BBS9: variants seen among roughly 807,000 people sequenced by gnomAD.
BBS9 encodes protein PTHB1.
A neutral mutation model predicts 117.7 loss-of-function variants in BBS9; 89 were observed. That is an observed-to-expected ratio of 0.76 (90% CI 0.64 to 0.90). The LOEUF is 0.90. Among genes scored for constraint, BBS9 ranks in the 40% least tolerant of loss-of-function variants. BBS9 has a pLI of 0.00. For synonymous variants in BBS9, 379 were observed against 370.9 expected (o/e 1.02, Z -0.25); for missense variants, 982 against 1,042.2 (o/e 0.94, Z 0.80).
chr7:33,534,072 G>T lies in BBS9; in HGVS notation c.2417G>T (p.Ser806Ile). Residue 806 changes from serine (S) to isoleucine (I), a missense_variant, in exon 21 of 23, where the codon AGC becomes ATC. By Grantham distance (142) the Ser-to-Ile change is moderately radical. Coordinates refer to ENST00000242067, the MANE Select transcript of BBS9 (RefSeq NM_198428.3). ...CAGCTGAACATACCCAAAGACACAA[G>T]CCAACTGAAGAAACATATCACCTTG... ...NSQLNIPKDT[S>I]QLKKHITLLC... 1 of 1,614,178 alleles carries T rather than the reference G, an allele frequency of 6.2e-7. No individual in the cohort carries two copies.
chr7:33,273,337 A>G (rs997323248), intron 8 of BBS9, 142 bp downstream of exon 8: 6 of 924,092 alleles, frequency 6.5e-6, no homozygotes, highest in Admixed American at 5.1e-5. Context: ...TTTAACTTTC[A>G]AAGTTTGAAT....
chr7:33,146,385 C>T, intron 2 of BBS9, 21 bp downstream of exon 2: 6 of 1,561,450 alleles, frequency 3.8e-6, no homozygotes, highest in Non-Finnish European at 5.3e-6. Context: ...TACAACCATA[C>T]ATCTTGGATG....
chr7:33,400,326 A>T (rs1828697264), intron 19 of BBS9, among the ~76,000 whole-genome samples: 1 of 152,116 alleles, frequency 6.6e-6, no homozygotes, highest in African/African-American at 2.4e-5. Flanking sequence ...GGAAATGAAA[A>T]TCTTATCTTT....
In BBS9 at chr7:33,444,729, G is replaced by A. The variant is rs147333889; in HGVS notation, c.2115+56585G>A. Among the ~76,000 whole-genome samples, 538 of 152,274 alleles carry A rather than the reference G, an allele frequency of 3.5e-3. 7 individuals carry two copies. The highest frequency in any genetic ancestry group is 0.012 in the African/African-American group (482 of 41,574). On this transcript the variant is annotated intron_variant, in intron 19 of 22. Coordinates refer to ENST00000242067, the MANE Select transcript of BBS9 (RefSeq NM_198428.3). ...ATCTTAAGTAAGAGCCCAGAACATC[G>A]CATGATGGGAGGTCAACTAACTGCT...
chr7:33,471,123 T>C (rs1362657954), intron 19 of BBS9, among the ~76,000 whole-genome samples: 1 of 152,186 alleles, frequency 6.6e-6, no homozygotes, highest in East Asian at 1.9e-4. Context: ...TAACTCTTGG[T>C]TGTTCCAGTG....
chr7:33,288,637 A>T (rs1406244338), intron 9 of BBS9, among the ~76,000 whole-genome samples: 1 of 152,186 alleles, frequency 6.6e-6, no homozygotes, highest in African/African-American at 2.4e-5. Context: ...TTTGAGCAAG[A>T]GTATTTTTAT....
chr7:33,425,326 C>A (rs931106413), intron 19 of BBS9, among the ~76,000 whole-genome samples: 1 of 152,144 alleles, frequency 6.6e-6, no homozygotes, highest in Non-Finnish European at 1.5e-5. Context: ...ATAATACAAA[C>A]AGGCACACTT....
intron 21 of BBS9, among the ~76,000 whole-genome samples, chr7:33,552,728 C>T (rs1854632596): frequency 6.6e-6 from 1 of 152,182 alleles, no homozygotes; most frequent in African/African-American, 2.4e-5. Flanking sequence ...GTGCAGAAGA[C>T]CTTACTTCTA....
chr7:33,489,629 A>G (rs1336801307), intron 19 of BBS9, among the ~76,000 whole-genome samples: 2 of 152,056 alleles, frequency 1.3e-5, no homozygotes, highest in Non-Finnish European at 2.9e-5. Flanking sequence ...ATCTTTCTTA[A>G]TATTATTTTT....
At chr7:33,431,034 A>G (rs890976833) in intron 19 of BBS9, among the ~76,000 whole-genome samples, 6 of 151,808 alleles carry the variant, frequency 4.0e-5, no homozygotes, top group Non-Finnish European at 8.8e-5. Flanking sequence ...GTGAGAAAAA[A>G]AAAAAAAAAA....
chr7:33,183,389 A>G (rs1229230065), intron 5 of BBS9, among the ~76,000 whole-genome samples: 1 of 152,196 alleles, frequency 6.6e-6, no homozygotes, highest in Non-Finnish European at 1.5e-5. Flanking sequence ...AAAAAAAAAC[A>G]TAAAGGCCTT....
chr7:33,174,065 CAGATCCAGTCTGATCCT>C (rs561710342), intron 4 of BBS9, among the ~76,000 whole-genome samples: 1,540 of 152,298 alleles, frequency 0.01, 14 homozygotes, highest in Middle Eastern at 0.027. Flanking sequence ...AGTTAATTAT[CAGATCCAGTCTGATCCT>C]AGATCCAGTC....
chr7:33,393,483 C>G (rs1405310211), intron 19 of BBS9, among the ~76,000 whole-genome samples: 1 of 152,156 alleles, frequency 6.6e-6, no homozygotes, highest in Non-Finnish European at 1.5e-5. Flanking sequence ...TTATTTTGCT[C>G]TGGGCACCTC....
intron 17 of BBS9, among the ~76,000 whole-genome samples, chr7:33,381,629 C>T (rs1466504382): frequency 6.6e-6 from 1 of 152,070 alleles, no homozygotes; most frequent in Non-Finnish European, 1.5e-5. Flanking sequence ...CATTTATTTA[C>T]AAAAGTAAAT....
At chr7:33,270,877 A>C (rs1799680021) in intron 7 of BBS9, among the ~76,000 whole-genome samples, 1 of 152,146 alleles carries the variant, frequency 6.6e-6, no homozygotes, top group Non-Finnish European at 1.5e-5. Flanking sequence ...GCAAGATACT[A>C]TACAAAAAGA....
At chr7:33,414,134 GAGTGCTCCTGT>G (rs1264636293) in intron 19 of BBS9, among the ~76,000 whole-genome samples, 7 of 152,320 alleles carry the variant, frequency 4.6e-5, no homozygotes, top group African/African-American at 1.4e-4. Context: ...GCCAGCACAT[GAGTGCTCCTGT>G]AGTGTTATCT....
chr7:33,416,317 G>A (rs1832012387), intron 19 of BBS9, among the ~76,000 whole-genome samples: 1 of 150,844 alleles, frequency 6.6e-6, no homozygotes, highest in Admixed American at 6.6e-5. Flanking sequence ...TTCACCACTG[G>A]TATTGTCTCC....
At chr7:33,508,840 G>C (rs1031154516) in intron 20 of BBS9, among the ~76,000 whole-genome samples, 2 of 152,204 alleles carry the variant, frequency 1.3e-5, no homozygotes, top group African/African-American at 4.8e-5. Context: ...CTAAATGTAG[G>C]AATTGGTACC....
At chr7:33,156,719 G>A (rs1210014652) in intron 4 of BBS9, among the ~76,000 whole-genome samples, 9 of 152,102 alleles carry the variant, frequency 5.9e-5, no homozygotes, top group Non-Finnish European at 1.3e-4. Context: ...AATTGACAGT[G>A]GCTTTCTTTA....
Sources: allele counts gnomAD v4.1 joint callset (sites outside exome capture counted in the v4.1 genomes callset), GRCh38; gene constraint gnomAD v4.1.1; transcripts MANE v1.5; gene names NCBI Gene and HGNC (gene_info 2026-07-23, HGNC 2026-07-21).